CAND2: variants seen among roughly 807,000 people sequenced by gnomAD.
CAND2 encodes cullin associated and neddylation dissociated 2 (putative).
In CAND2, 62 loss-of-function variants were observed where a neutral mutation model predicts 98.9. That is an observed-to-expected ratio of 0.63 (90% CI 0.51 to 0.77). The LOEUF (loss-of-function observed/expected upper bound fraction) is 0.77, where lower values mean the gene tolerates loss of function less well. Among genes scored for constraint, CAND2 ranks in the 30% least tolerant of loss-of-function variants. The probability of loss-of-function intolerance (pLI) is 0.00; values close to 1 mark genes in which losing one functional copy is unlikely to be tolerated. For synonymous variants in CAND2, 770 were observed against 731.9 expected, an observed-to-expected ratio of 1.05 and a Z score of -0.84; for missense variants, 1,501 against 1,655.2, an observed-to-expected ratio of 0.91 and a Z score of 1.62.
intron 13 of CAND2, 131 bp from the exon 14 acceptor site, chr3:12,831,322 AGGGAGAGACTCT>A (rs768256702): frequency 2.9e-6 from 2 of 686,768 alleles, no homozygotes; most frequent in Non-Finnish European, 5.3e-6. Flanking sequence ...AGACCCAGAG[AGGGAGAGACTCT>A]GGCAGGACTT....
chr3:12,831,629 C>T (rs948774400), intron 14 of CAND2, 57 bp downstream of exon 14: 35 of 905,544 alleles, frequency 3.9e-5, no homozygotes, highest in Non-Finnish European at 4.9e-5. Context: ...AGTCCTCGGC[C>T]AGTCGTTCAG....
chr3:12,816,327 G>A, intron 9 of CAND2, 47 bp from the exon 10 acceptor site: 2 of 1,549,404 alleles, frequency 1.3e-6, no homozygotes, highest in Non-Finnish European at 1.8e-6. Context: ...GGAGGGCCGT[G>A]TTGCATCAGA....
At chr3:12,819,981 TC>T in intron 10 of CAND2, 104 bp from the exon 11 acceptor site, 4 of 870,064 alleles carry the variant, frequency 4.6e-6, no homozygotes, top group Non-Finnish European at 7.6e-6. Flanking sequence ...GGGGTACAGT[TC>T]TGTTTTCCAG....
At chr3:12,805,005 G>A (rs1327825175) in intron 2 of CAND2, among the ~76,000 whole-genome samples, 3 of 152,266 alleles carry the variant, frequency 2.0e-5, no homozygotes, top group Non-Finnish European at 2.9e-5. Context: ...TTGTAATACC[G>A]TTTCCTATTA....
At chr3:12,826,745 T>C (rs1357178720) in intron 12 of CAND2, among the ~76,000 whole-genome samples, 1 of 151,888 alleles carries the variant, frequency 6.6e-6, no homozygotes, top group Non-Finnish European at 1.5e-5. Context: ...TTACAAGCAG[T>C]GTATCCTTAA....
intron 2 of CAND2, among the ~76,000 whole-genome samples, chr3:12,806,370 C>T (rs535763589): frequency 3.3e-5 from 5 of 152,252 alleles, no homozygotes; most frequent in African/African-American, 1.2e-4. Context: ...CTTGTTGAAA[C>T]CCTGTATTCC....
At chr3:12,807,544 A>C in intron 3 of CAND2, 84 bp downstream of exon 3, 1 of 1,058,982 alleles carries the variant, frequency 9.4e-7, no homozygotes, top group Non-Finnish European at 1.4e-6. Context: ...AAAAAAAAAC[A>C]CTGAGGCTCA....
At chr3:12,826,513 G>A (rs920900235) in intron 12 of CAND2, among the ~76,000 whole-genome samples, 1 of 150,540 alleles carries the variant, frequency 6.6e-6, no homozygotes, top group African/African-American at 2.4e-5. Context: ...CTGCAGCCTC[G>A]ACCTCCTGGG....
intron 5 of CAND2, among the ~76,000 whole-genome samples, chr3:12,812,725 A>G (rs2061863468): frequency 6.6e-6 from 1 of 152,142 alleles, no homozygotes; most frequent in Non-Finnish European, 1.5e-5. Context: ...ATTTATCTTC[A>G]CAAAATCTCT....
chr3:12,803,710 G>C, intron 2 of CAND2, 79 bp downstream of exon 2: 2 of 1,382,872 alleles, frequency 1.4e-6, no homozygotes, highest in Non-Finnish European at 1.9e-6. Context: ...GTCCCTTTGG[G>C]GTACAGCCTC....
At chr3:12,822,891 C>T (rs1449991034) in intron 11 of CAND2, among the ~76,000 whole-genome samples, 1 of 152,146 alleles carries the variant, frequency 6.6e-6, no homozygotes, top group Non-Finnish European at 1.5e-5. Flanking sequence ...CACCCATGCA[C>T]ATCTTTCTTT....
intron 1 of CAND2, among the ~76,000 whole-genome samples, chr3:12,803,192 C>T (rs769401087): frequency 9.2e-5 from 14 of 152,074 alleles, no homozygotes; most frequent in Admixed American, 2.6e-4. Context: ...CTGGGTTTCA[C>T]CATGTTAGCC....
intron 1 of CAND2, among the ~76,000 whole-genome samples, chr3:12,799,774 A>G (rs1342922734): frequency 2.0e-5 from 3 of 152,162 alleles, no homozygotes; most frequent in Admixed American, 6.5e-5. Context: ...GAGAAGTGCT[A>G]TAAAGGAGGG....
chr3:12,828,056 A>G (rs941984285), intron 13 of CAND2, among the ~76,000 whole-genome samples: 7 of 151,812 alleles, frequency 4.6e-5, no homozygotes, highest in Admixed American at 6.6e-5. Context: ...TACTAGCAGC[A>G]TTGAGGAGCG....
At chr3:12,826,400 T>G (rs1311167523) in intron 12 of CAND2, among the ~76,000 whole-genome samples, 1 of 150,438 alleles carries the variant, frequency 6.6e-6, no homozygotes, top group Non-Finnish European at 1.5e-5. Context: ...GCTTCATGGT[T>G]GAAAGCTTCA....
intron 14 of CAND2, among the ~76,000 whole-genome samples, chr3:12,832,989 T>A (rs1014583846): frequency 1.1e-4 from 16 of 152,334 alleles, no homozygotes; most frequent in African/African-American, 3.8e-4. Context: ...TGGCAACTCT[T>A]ACGACGAGGC....
intron 14 of CAND2, chr3:12,832,392 GA>G (rs1307874617): frequency 6.6e-6 from 1 of 152,218 alleles, no homozygotes; most frequent in Non-Finnish European, 1.5e-5. Context: ...ATGGCACCAA[GA>G]AAAGTCCCAG....
At chr3:12,816,151 T>A in intron 9 of CAND2, 143 bp downstream of exon 9, 1 of 887,714 alleles carries the variant, frequency 1.1e-6, no homozygotes, top group Non-Finnish European at 1.7e-6. Context: ...TCCAGTGGCC[T>A]CCCACTACCA....
intron 11 of CAND2, among the ~76,000 whole-genome samples, chr3:12,824,607 C>G (rs1369196765): frequency 6.6e-6 from 1 of 152,150 alleles, no homozygotes; most frequent in African/African-American, 2.4e-5. Context: ...TGGGGACATT[C>G]AAATCATAGC....
Sources: gnomAD v4.1 joint callset for allele counts (sites outside exome capture counted in the v4.1 genomes callset) on GRCh38, gnomAD v4.1.1 for gene constraint, MANE v1.5 for transcripts, NCBI Gene and HGNC (gene_info 2026-07-23, HGNC 2026-07-21) for gene names.